Variants in NKTR observed in about 807,000 individuals in gnomAD.
The protein encoded by NKTR is NK-tumor recognition protein.
In NKTR, 67 loss-of-function variants were observed where a neutral mutation model predicts 156.3. The ratio of observed to expected loss-of-function variants is 0.43; its 90% CI spans 0.35 to 0.53. The LOEUF (loss-of-function observed/expected upper bound fraction) is 0.53. Among genes scored for constraint, NKTR ranks in the 20% least tolerant of loss-of-function variants. NKTR has a pLI of 0.01. For synonymous variants in NKTR, 640 were observed against 596.6 expected (o/e 1.07, Z -1.06); for missense variants, 1,604 against 1,730.9 (o/e 0.93, Z 1.30).
Position 42,645,771 on chromosome 3 carries a change from A to C in NKTR, c.4302-117A>C, listed in dbSNP as rs577592279. The C allele has an allele frequency of 1.9e-5, 11 of 593,454 alleles. No homozygotes were observed. In the South Asian group the frequency reaches 2.6e-4, roughly 14 times the overall value. 36.8% of individuals were successfully genotyped at this position (593,454 alleles called of 1,614,324 possible). ...GCATCAATAGTGCATCAGTTATATGAGTGGCTTGAAAACACTATTGATGTT... is the reference window on the plus strand; with the variant it reads ...GCATCAATAGTGCATCAGTTATATGCGTGGCTTGAAAACACTATTGATGTT... On this transcript the variant is annotated intron_variant, in intron 16 of 16. Coordinates refer to ENST00000232978, the MANE Select transcript of NKTR (RefSeq NM_005385.4).
rs1295702705 is a variant in NKTR at position 42,646,534 on chromosome 3, G to T, written c.*559G>T. 6.5e-6 allele frequency: 1 copy of T among 153,058 alleles called. No individual in the cohort carries two copies. Among genetic ancestry groups the T allele is most frequent in the African/African-American group, 2.4e-5 (1 of 41,434 alleles). 9.5% of individuals were successfully genotyped at this position (153,058 alleles called of 1,614,324 possible). A position where few individuals can be genotyped will look rare whatever the true frequency, so the allele number is the denominator to read the frequency against. On this transcript the variant is annotated 3_prime_UTR_variant, in exon 17 of 17. Transcript: ENST00000232978. ...TCCTAACTTCTTTGATACTTCACAG[G>T]ATTAGGAAAGTGGTCATCATACATC...
At chr3:42,607,860 T>C (rs1410542170) in intron 2 of NKTR, among the ~76,000 whole-genome samples, 1 of 152,028 alleles carries the variant, frequency 6.6e-6, no homozygotes, top group East Asian at 1.9e-4. Flanking sequence ...TCAATTTGAT[T>C]CTGGACACTA....
Position 42,619,100 on chromosome 3 carries a change from AT to A in NKTR, c.215del (p.Met72ArgfsTer67). 1 of 1,608,624 alleles carries A rather than the reference AT, an allele frequency of 6.2e-7. No homozygotes were observed. The highest frequency in any genetic ancestry group is 8.5e-7 in the Non-Finnish European group (1 of 1,178,128). On this transcript the variant is annotated frameshift_variant, in exon 4 of 17. Coordinates refer to ENST00000232978, the MANE Select transcript of NKTR (RefSeq NM_005385.4). LOFTEE classifies it high-confidence loss of function. Reference protein sequence around the residue: ...STFHRVVKNFMIQGGDFSEGN... With the variant: ...STFHRVVKNFXIQGGDFSEGN... Reference sequence around the variant, plus strand: ...GTTCCATCGTGTGGTTAAAAACTTTATGATTCAGGGTGGGGACTTCAGTGAA... The same window carrying A: ...GTTCCATCGTGTGGTTAAAAACTTTAGATTCAGGGTGGGGACTTCAGTGAA...
At position 42,619,931 on chromosome 3, in the gene NKTR, C is replaced by T. The variant is rs750508881; in HGVS notation, c.286+223C>T. On this transcript the variant is annotated intron_variant, in intron 5 of 16. Transcript: ENST00000232978. ...AGGCTAACTTTATGGTTAAACATGACTTTCAGCATGGAGGTTAGGCAACTA... is the reference window on the plus strand; with the variant it reads ...AGGCTAACTTTATGGTTAAACATGATTTTCAGCATGGAGGTTAGGCAACTA... The T allele has an allele frequency of 2.7e-6, 4 of 1,476,072 alleles. No homozygotes were observed. In the Admixed American group the frequency reaches 7.2e-5, roughly 27 times the overall value. 91.4% of individuals were successfully genotyped at this position (1,476,072 alleles called of 1,614,324 possible).
At chr3:42,630,236 CTT>C (rs1170276897) in intron 6 of NKTR, 1 of 1,107,022 alleles carries the variant, frequency 9.0e-7, no homozygotes, top group African/African-American at 1.6e-5. Flanking sequence ...TTGAGAGTAA[CTT>C]TAATTTTTAT....
At chr3:42,615,730 G>A (rs1328157441) in intron 2 of NKTR, among the ~76,000 whole-genome samples, 1 of 152,296 alleles carries the variant, frequency 6.6e-6, no homozygotes. Context: ...GGTATGCAAA[G>A]CGGGATGATT....
intron 6 of NKTR, chr3:42,629,740 C>A: frequency 1.0e-6 from 1 of 985,136 alleles, no homozygotes; most frequent in Non-Finnish European, 1.2e-6. Flanking sequence ...ATGTGAAGAT[C>A]TGTGAAAATG....
chr3:42,630,988 A>G (rs928063151), intron 7 of NKTR, 183 bp from the exon 8 acceptor site: 8 of 1,419,810 alleles, frequency 5.6e-6, no homozygotes, highest in South Asian at 3.2e-5. Context: ...CCCAGTTTGC[A>G]TAATCGTTTC....
rs373244750 is a variant in NKTR at position 42,637,393 on chromosome 3, A to G, written c.1689A>G (p.Ala563=). ...CCAAGTCTGGGCACCGAAAGAGAGC[A>G]TCAAAATCACCAAGAAAAACAGCTT... The part of the protein sequence containing the change: ...SSSKSGHRKR[A]SKSPRKTASQ... The change falls in exon 13 of 17, where the codon GCA becomes GCG. Residue 563 remains alanine, a synonymous_variant. Transcript: ENST00000232978. 1.9e-6 allele frequency: 3 copies of G among 1,613,736 alleles called. No homozygotes were observed. Among genetic ancestry groups the G allele is most frequent in the Non-Finnish European group, 1.7e-6 (2 of 1,179,968 alleles).
At chr3:42,615,599 C>T (rs1707282295) in intron 2 of NKTR, among the ~76,000 whole-genome samples, 1 of 151,986 alleles carries the variant, frequency 6.6e-6, no homozygotes, top group African/African-American at 2.4e-5. Context: ...AAACAAAAAA[C>T]ACCCTAATGT....
intron 8 of NKTR, 90 bp from the exon 9 acceptor site, chr3:42,632,511 A>G (rs1709014395): frequency 2.6e-6 from 2 of 757,312 alleles, no homozygotes; most frequent in African/African-American, 1.8e-5. Flanking sequence ...TATGTAAAGC[A>G]TATTTTATGA....
At chr3:42,625,741 C>T (rs565065343) in intron 6 of NKTR, among the ~76,000 whole-genome samples, 24 of 152,196 alleles carry the variant, frequency 1.6e-4, no homozygotes, top group African/African-American at 5.8e-4. Context: ...ATGTTAATTT[C>T]AGATTTTTTC....
At chr3:42,627,620 C>A in intron 6 of NKTR, 1 of 985,012 alleles carries the variant, frequency 1.0e-6, no homozygotes, top group Non-Finnish European at 1.2e-6. Context: ...GGCTTAAATA[C>A]CTTGCACACA....
chr3:42,636,722 G>A, intron 12 of NKTR, 146 bp from the exon 13 acceptor site: 1 of 1,130,106 alleles, frequency 8.8e-7, no homozygotes, highest in Non-Finnish European at 1.2e-6. Flanking sequence ...AGTATAACAA[G>A]ACCAGGCCTA....
intron 2 of NKTR, chr3:42,612,436 C>T (rs1401952067): frequency 6.6e-6 from 1 of 152,088 alleles, no homozygotes; most frequent in African/African-American, 2.4e-5. Flanking sequence ...ACTTTGTTTC[C>T]TAATACTGAT....
chr3:42,620,774 C>T (rs1051213663), intron 5 of NKTR: 1 of 984,756 alleles, frequency 1.0e-6, no homozygotes, highest in South Asian at 4.7e-5. Context: ...CAATTTAAAA[C>T]TAATGCTGTA....
Position 42,615,865 on chromosome 3 carries a change from GT to G in NKTR, c.59-1696del, listed in dbSNP as rs111493011. 3.9e-3 allele frequency among the ~76,000 whole-genome samples: 585 copies of G among 151,884 alleles called. 3 individuals are homozygous for G. Among genetic ancestry groups the G allele is most frequent in the African/African-American group, 0.014 (561 of 41,454 alleles). On this transcript the variant is annotated intron_variant, in intron 2 of 16. Coordinates refer to ENST00000232978, the MANE Select transcript of NKTR (RefSeq NM_005385.4). ...TAGTTACTATTACTGATATTATAGG[GT>G]TTTTTTTTAATTCTGAAATGACTTT... is the stretch of plus-strand genomic sequence containing the variant.
intron 10 of NKTR, among the ~76,000 whole-genome samples, chr3:42,634,191 CT>C (rs1242303943): frequency 3.3e-5 from 5 of 152,180 alleles, no homozygotes; most frequent in African/African-American, 1.2e-4. Context: ...AAATAAGTTA[CT>C]TTTGTTAACT....
chr3:42,600,940 G>A (rs1449286555), intron 1 of NKTR, 44 bp from the exon 2 acceptor site: 1 of 924,832 alleles, frequency 1.1e-6, no homozygotes, highest in Non-Finnish European at 1.5e-6. Flanking sequence ...CCTCGCCCCC[G>A]CCCTCGCCCC....
Sources: gnomAD v4.1 joint callset for allele counts (sites outside exome capture counted in the v4.1 genomes callset) on GRCh38, gnomAD v4.1.1 for gene constraint, MANE v1.5 for transcripts, NCBI Gene and HGNC (gene_info 2026-07-23, HGNC 2026-07-21) for gene names.